The following TRHDE variants were observed in gnomAD, a reference collection of about 807,000 sequenced individuals.
TRHDE encodes the protein thyrotropin releasing hormone degrading enzyme.
A neutral mutation model predicts 125.7 loss-of-function variants in TRHDE; 72 were observed. That is an observed-to-expected ratio of 0.57 (90% CI 0.47 to 0.70). The LOEUF (loss-of-function observed/expected upper bound fraction) is 0.70, where lower values mean the gene tolerates loss of function less well. Among genes scored for constraint, TRHDE ranks in the 30% least tolerant of loss-of-function variants. The pLI is 0.00. For synonymous variants in TRHDE, 509 were observed against 509.1 expected (o/e 1.00, Z 0.00); for missense variants, 1,110 against 1,327.1 (o/e 0.84, Z 2.54).
At chr12:72,533,973 G>A (rs1361844370) in intron 6 of TRHDE, among the ~76,000 whole-genome samples, 2 of 151,856 alleles carry the variant, frequency 1.3e-5, no homozygotes, top group Non-Finnish European at 2.9e-5. Flanking sequence ...AAAAACATAC[G>A]GCCTCAGTGA....
At chr12:72,094,362 G>A (rs988502938) in intron 1 of TRHDE, among the ~76,000 whole-genome samples, 1 of 151,776 alleles carries the variant, frequency 6.6e-6, no homozygotes, top group Non-Finnish European at 1.5e-5. Context: ...CCATAGCCAA[G>A]GCTGGGGTCT....
At chr12:72,491,199 A>G (rs1202372973) in intron 5 of TRHDE, among the ~76,000 whole-genome samples, 2 of 151,926 alleles carry the variant, frequency 1.3e-5, no homozygotes, top group Non-Finnish European at 2.9e-5. Flanking sequence ...GCTAAATGAC[A>G]TGCATATTTT....
intron 4 of TRHDE, among the ~76,000 whole-genome samples, chr12:72,470,268 G>C (rs139323442): frequency 3.3e-4 from 51 of 152,276 alleles, no homozygotes; most frequent in Admixed American, 7.8e-4. Flanking sequence ...ATGATTTATT[G>C]CATCGCTGCA....
At chr12:72,215,801 T>C (rs886570394) in intron 2 of TRHDE, among the ~76,000 whole-genome samples, 1 of 152,126 alleles carries the variant, frequency 6.6e-6, no homozygotes, top group Admixed American at 6.5e-5. Flanking sequence ...ATGGGGGTGG[T>C]TGGCGCTCAG....
chr12:72,433,098 C>T (rs1200409187), intron 3 of TRHDE, among the ~76,000 whole-genome samples: 2 of 152,066 alleles, frequency 1.3e-5, no homozygotes, highest in Non-Finnish European at 2.9e-5. Context: ...TAGTGTATTA[C>T]AGTAATAATT....
chr12:72,594,144 C>T (rs890754219), intron 12 of TRHDE, among the ~76,000 whole-genome samples: 1 of 152,094 alleles, frequency 6.6e-6, no homozygotes. Flanking sequence ...AGTGTAAAAG[C>T]ATTCCTATTT....
intron 2 of TRHDE, among the ~76,000 whole-genome samples, chr12:72,264,825 A>G (rs1045786111): frequency 6.6e-6 from 1 of 151,968 alleles, no homozygotes; most frequent in Non-Finnish European, 1.5e-5. Flanking sequence ...CAACTGTATT[A>G]TAAGAATTAA....
intron 12 of TRHDE, 120 bp from the exon 13 acceptor site, chr12:72,618,771 T>C (rs748742231): frequency 1.3e-6 from 1 of 776,446 alleles, no homozygotes; most frequent in Non-Finnish European, 1.9e-6. Context: ...ATTTTATTCT[T>C]ATAACACTGA....
chr12:72,182,289 T>G (rs1282180191), intron 2 of TRHDE, among the ~76,000 whole-genome samples: 1 of 152,192 alleles, frequency 6.6e-6, no homozygotes, highest in South Asian at 2.1e-4. Flanking sequence ...TGATTTAAAC[T>G]GAACCAGTTA....
Position 72,652,475 on chromosome 12 carries a change from G to A in TRHDE, c.2829G>A (p.Arg943=), listed in dbSNP as rs564135921. The A allele has an allele frequency of 2.4e-5, 38 of 1,605,398 alleles. 1 individual carries two copies. The South Asian group carries it at 4.1e-4, about 17-fold the overall frequency. ...AAGCCTTAACTTGCAGTGATGACAG[G>A]AATTTATTAAACAGGTAGGCCGACT... ...LLEALTCSDD[R]NLLNRLLNLS... is the part of the protein sequence containing the mutation. Residue 943 remains arginine, a synonymous_variant, in exon 16 of 19, where the codon AGG becomes AGA. Coordinates refer to ENST00000261180, the MANE Select transcript of TRHDE (RefSeq NM_013381.3).
intron 2 of TRHDE, among the ~76,000 whole-genome samples, chr12:72,123,056 C>A (rs923418561): frequency 6.6e-6 from 1 of 152,142 alleles, no homozygotes; most frequent in Non-Finnish European, 1.5e-5. Flanking sequence ...AACATTCATA[C>A]CCGAGGTTAA....
intron 12 of TRHDE, among the ~76,000 whole-genome samples, chr12:72,615,324 A>G (rs1471118229): frequency 6.6e-6 from 1 of 152,134 alleles, no homozygotes; most frequent in East Asian, 1.9e-4. Flanking sequence ...AAATTTAGGG[A>G]AACTGCATTT....
chr12:72,287,059 A>G (rs1394830653), intron 2 of TRHDE, 105 bp downstream of exon 2: 1 of 1,187,354 alleles, frequency 8.4e-7, no homozygotes, highest in African/African-American at 1.5e-5. Context: ...TACACCTTAT[A>G]TAGTGGAATT....
chr12:72,560,780 C>T (rs768463137), intron 7 of TRHDE: 1 of 152,176 alleles, frequency 6.6e-6, no homozygotes, highest in Non-Finnish European at 1.5e-5. Flanking sequence ...GAGCCGTGAT[C>T]ATACTACTAC....
chr12:72,397,096 AC>A (rs1481292406), intron 3 of TRHDE, among the ~76,000 whole-genome samples: 10 of 152,076 alleles, frequency 6.6e-5, no homozygotes, highest in African/African-American at 2.4e-4. Context: ...CTCTTCTTTC[AC>A]CCGTCAAGCC....
At chr12:72,449,617 G>T (rs570490565) in intron 3 of TRHDE, among the ~76,000 whole-genome samples, 3 of 151,774 alleles carry the variant, frequency 2.0e-5, no homozygotes. Context: ...ATTTATTGTA[G>T]GTCCTTTGAG....
At chr12:72,177,778 A>G (rs1021244113) in intron 2 of TRHDE, among the ~76,000 whole-genome samples, 5 of 152,134 alleles carry the variant, frequency 3.3e-5, no homozygotes, top group African/African-American at 1.2e-4. Flanking sequence ...ATAAACTATC[A>G]TCAGAGCCTA....
chr12:72,146,980 T>C (rs938983870), intron 2 of TRHDE, among the ~76,000 whole-genome samples: 3 of 152,186 alleles, frequency 2.0e-5, no homozygotes, highest in African/African-American at 7.2e-5. Context: ...CCTAGCAGCC[T>C]GACTCTTCTC....
intron 3 of TRHDE, 36 bp from the exon 4 acceptor site, chr12:72,469,722 G>A: frequency 6.2e-7 from 1 of 1,602,408 alleles, no homozygotes; most frequent in South Asian, 1.1e-5. Flanking sequence ...TGGTGTCTTT[G>A]TTAAAGCCTT....
Sources: gnomAD v4.1 joint callset for allele counts (sites outside exome capture counted in the v4.1 genomes callset) on GRCh38, gnomAD v4.1.1 for gene constraint, MANE v1.5 for transcripts, NCBI Gene and HGNC (gene_info 2026-07-23, HGNC 2026-07-21) for gene names.